The following AP2A1 variants were observed in gnomAD, a reference collection of about 807,000 sequenced individuals.
AP2A1 encodes AP-2 complex subunit alpha-1.
A neutral mutation model predicts 107.3 loss-of-function variants in AP2A1; 21 were observed. That is an observed-to-expected ratio of 0.20 (90% CI 0.14 to 0.28). The LOEUF is 0.28. Among genes scored for constraint, AP2A1 ranks in the 10% least tolerant of loss-of-function variants. The pLI, the probability that AP2A1 is intolerant of heterozygous loss-of-function variation, is 1.00. For missense variants in AP2A1, 873 were observed against 1,307.7 expected, an observed-to-expected ratio of 0.67 and a Z score of 5.13; for synonymous variants, 602 against 564.8, an observed-to-expected ratio of 1.07 and a Z score of -0.93.
At chr19:49,787,662 G>A (rs1768295241) in intron 4 of AP2A1, among the ~76,000 whole-genome samples, 1 of 151,484 alleles carries the variant, frequency 6.6e-6, no homozygotes, top group Admixed American at 6.6e-5. Flanking sequence ...TTAACCATTT[G>A]AAGGTGTTCA....
rs764272447 is a variant in AP2A1, at chr19:49,785,769, T to A, written c.473+3045T>A. 6.6e-6 allele frequency among the ~76,000 whole-genome samples: 1 copy of A among 151,752 alleles called. No homozygotes were observed. The highest frequency in any genetic ancestry group is 1.5e-5 in the Non-Finnish European group (1 of 67,936). ...CCGTCTCTACTAAAAATACAAAAATTAGTCAGGTGTGGTGGCGGGCACCTG... is the reference window on the plus strand; with the variant it reads ...CCGTCTCTACTAAAAATACAAAAATAAGTCAGGTGTGGTGGCGGGCACCTG... On this transcript the variant is annotated intron_variant, in intron 4 of 22. Coordinates refer to ENST00000354293, the MANE Select transcript of AP2A1 (RefSeq NM_130787.3). The surrounding 1 kb of genome is among the most constrained non-coding windows in gnomAD (Gnocchi z 4.1).
chr19:49,780,038 T>C (rs992695929), intron 1 of AP2A1, among the ~76,000 whole-genome samples: 1 of 152,232 alleles, frequency 6.6e-6, no homozygotes, highest in African/African-American at 2.4e-5. Flanking sequence ...TTCTCAGTCA[T>C]TGACTCATTT....
rs1444240536 is a variant in AP2A1 at position 49,772,652 on chromosome 19, C to T, written c.67+5452C>T. On this transcript the variant is annotated intron_variant, in intron 1 of 22. Transcript: ENST00000354293. The stretch of plus-strand genomic sequence containing the variant: ...CTGGGACTACAGGCGCCCGCCAACA[C>T]GCCCGGCTAATTTTTTGTATTTTTT... 3.3e-5 allele frequency among the ~76,000 whole-genome samples: 5 copies of T among 151,914 alleles called. No homozygotes were observed. The South Asian group carries it at 8.3e-4, about 25-fold the overall frequency.
Position 49,806,461 on chromosome 19 carries a change from C to T in AP2A1, c.2790+208C>T, listed in dbSNP as rs1600252528. ...TGTTCCTCTCCTCTTCCTGTCCCTC[C>T]CTGATTTCTACCTTTCCATATCCTT... On this transcript the variant is annotated intron_variant, in intron 22 of 22. Coordinates refer to ENST00000354293, the MANE Select transcript of AP2A1 (RefSeq NM_130787.3). 1.4e-5 allele frequency: 20 copies of T among 1,437,834 alleles called. No homozygotes were observed. The East Asian group carries it at 5.0e-4, about 36-fold the overall frequency. The allele number at this position is 1,437,834 out of a possible 1,614,324, so 89.1% of individuals were successfully genotyped here. A position where few individuals can be genotyped will look rare whatever the true frequency, so the allele number is the denominator to read the frequency against.
Position 49,805,869 on chromosome 19 carries a change from C to T in AP2A1, c.2586-3C>T. ...CCCTGACTTGAACCTTCCCGGTCCCCAGCCCTCAACAGGAGGCGCAGAAAA... is the reference window on the plus strand; with the variant it reads ...CCCTGACTTGAACCTTCCCGGTCCCTAGCCCTCAACAGGAGGCGCAGAAAA... On this transcript the variant is annotated splice_polypyrimidine_tract_variant and splice_region_variant and intron_variant, in intron 20 of 22. Transcript: ENST00000354293. 1.2e-6 allele frequency: 2 copies of T among 1,613,708 alleles called. No homozygotes were observed. The highest frequency in any genetic ancestry group is 1.7e-6 in the Non-Finnish European group (2 of 1,179,890).
rs751120508 is a variant in AP2A1 at position 49,801,061 on chromosome 19, G to A, written c.1553+3G>A. The A allele has an allele frequency of 6.2e-7, 1 of 1,600,550 alleles. No individual in the cohort carries two copies. The highest frequency in any genetic ancestry group is 2.2e-5 in the East Asian group (1 of 44,628). On this transcript the variant is annotated splice_donor_region_variant and intron_variant, in intron 12 of 22. Coordinates refer to ENST00000354293, the MANE Select transcript of AP2A1 (RefSeq NM_130787.3). Reference sequence around the variant, plus strand: ...ATTGCTGGGGACCCCCGCTCCAGGTGAGGGAGCCTCAGCCTGCAGGGGAGA... The same window carrying A: ...ATTGCTGGGGACCCCCGCTCCAGGTAAGGGAGCCTCAGCCTGCAGGGGAGA...
Position 49,805,872 on chromosome 19 carries a change from C to A in AP2A1, c.2586C>A (p.Leu862=), listed in dbSNP as rs574015802. 45 of 1,613,796 alleles carry A rather than the reference C, an allele frequency of 2.8e-5. 1 individual carries two copies. In the South Asian group the frequency reaches 4.8e-4, roughly 17 times the overall value. ...TGACTTGAACCTTCCCGGTCCCCAG[C>A]CCTCAACAGGAGGCGCAGAAAATCT... ...DFFQRWKQLS[L]PQQEAQKIFK... The change falls in exon 21 of 23, where the codon CTC becomes CTA. Residue 862 remains leucine, a splice_region_variant and synonymous_variant. Coordinates refer to ENST00000354293, the MANE Select transcript of AP2A1 (RefSeq NM_130787.3).
chr19:49,799,438 C>G lies in AP2A1; in HGVS notation c.1077C>G (p.Ser359=), dbSNP rs764972118. 1.9e-6 allele frequency: 3 copies of G among 1,611,616 alleles called. No homozygotes were observed. Among genetic ancestry groups the G allele is most frequent in the Non-Finnish European group, 2.5e-6 (3 of 1,179,292 alleles). ...ALESMCTLAS[S]EFSHEAVKTH... ...AGAGCATGTGCACGCTGGCCAGCTCCGAGTTCTCCCATGAAGCCGTCAAGA... is the reference window on the plus strand; with the variant it reads ...AGAGCATGTGCACGCTGGCCAGCTCGGAGTTCTCCCATGAAGCCGTCAAGA... The change falls in exon 9 of 23, where the codon TCC becomes TCG. Residue 359 remains serine, a synonymous_variant. Coordinates refer to ENST00000354293, the MANE Select transcript of AP2A1 (RefSeq NM_130787.3).
rs1480855704 is a variant in AP2A1, at chr19:49,772,257, T to TGTTTTG, written c.67+5057_67+5058insGTTTTG. Among the ~76,000 whole-genome samples, 64 of 122,228 alleles carry TGTTTTG rather than the reference T, an allele frequency of 5.2e-4. 1 individual carries two copies. The highest frequency in any genetic ancestry group is 2.5e-3 in the South Asian group (8 of 3,258). 80.2% of individuals were successfully genotyped at this position (122,228 alleles called of 152,430 possible). On this transcript the variant is annotated intron_variant, in intron 1 of 22. Transcript: ENST00000354293. ...GTATTTTTCATAGAGTTTTTTTTTT[T>TGTTTTG]TTTTTTTTTTTTTTTTTTTTGAGAT...
chr19:49,795,266 A>G (rs753261692), intron 6 of AP2A1, among the ~76,000 whole-genome samples: 22 of 152,348 alleles, frequency 1.4e-4, no homozygotes, highest in Admixed American at 2.6e-4. Flanking sequence ...TTACTTGGAA[A>G]GATCAACCAG....
chr19:49,780,410 G>T (rs936760949), intron 1 of AP2A1, among the ~76,000 whole-genome samples: 54 of 152,334 alleles, frequency 3.5e-4, no homozygotes, highest in African/African-American at 1.3e-3. Context: ...AGAGGGCACA[G>T]CTTGTGTGAA....
rs1408298212 is a variant in AP2A1, at chr19:49,805,566, G to T, written c.2458G>T (p.Val820Leu). 6.3e-7 allele frequency: 1 copy of T among 1,576,582 alleles called. No homozygotes were observed. The highest frequency in any genetic ancestry group is 1.2e-5 in the South Asian group (1 of 86,466). Residue 820 changes from valine (V) to leucine (L), a missense_variant, in exon 19 of 23, where the codon GTG (valine) becomes TTG (leucine). Val to Leu is a conservative substitution (Grantham distance 32). Around this residue, in one of 4 missense-constraint regions of AP2A1, gnomAD observed 416 missense variants for 473.4 expected, o/e 0.88. Coordinates refer to ENST00000354293, the MANE Select transcript of AP2A1 (RefSeq NM_130787.3). ...CTTCCTGACGCCCCCGCTGCTGTCC[G>T]TGCGCTTCCGGTGAGTCAGGTACGG... ...RDFLTPPLLS[V>L]RFRYGGAPQA...
In AP2A1 at chr19:49,801,782, C is replaced by T. The variant is rs868693137; in HGVS notation, c.1846C>T (p.Leu616=). ...PERESSILAK[L]KRKKGPGAGS... Reference sequence around the variant, plus strand: ...GCGCGAGTCGTCCATCCTGGCCAAGCTGAAACGCAAGAAGGGGCCAGGGGC... The same window carrying T: ...GCGCGAGTCGTCCATCCTGGCCAAGTTGAAACGCAAGAAGGGGCCAGGGGC... Residue 616 remains leucine, a synonymous_variant, in exon 14 of 23, where the codon CTG becomes TTG. Coordinates refer to ENST00000354293, the MANE Select transcript of AP2A1 (RefSeq NM_130787.3). 2.5e-6 allele frequency: 4 copies of T among 1,569,358 alleles called. No homozygotes were observed. The highest frequency in any genetic ancestry group is 1.2e-5 in the South Asian group (1 of 85,166).
intron 4 of AP2A1, among the ~76,000 whole-genome samples, chr19:49,789,642 C>T (rs2056200021): frequency 6.7e-6 from 1 of 148,648 alleles, no homozygotes. Flanking sequence ...TTGGCCTGGC[C>T]AGGCCGGTCT....
At chr19:49,792,583 C>G (rs2073159951) in intron 5 of AP2A1, among the ~76,000 whole-genome samples, 1 of 152,020 alleles carries the variant, frequency 6.6e-6, no homozygotes, top group African/African-American at 2.4e-5. Flanking sequence ...TCCAGTGACC[C>G]CCACACCCCT....
At position 49,785,297 on chromosome 19, in the gene AP2A1, G is replaced by A. The variant is rs377003743; in HGVS notation, c.473+2573G>A. 6.6e-6 allele frequency among the ~76,000 whole-genome samples: 1 copy of A among 152,182 alleles called. No homozygotes were observed. Among genetic ancestry groups the A allele is most frequent in the Non-Finnish European group, 1.5e-5 (1 of 68,028 alleles). On this transcript the variant is annotated intron_variant, in intron 4 of 22. Coordinates refer to ENST00000354293, the MANE Select transcript of AP2A1 (RefSeq NM_130787.3). The surrounding 1 kb of genome is among the most constrained non-coding windows in gnomAD (Gnocchi z 4.1). The stretch of plus-strand genomic sequence containing the variant: ...TCACCAGGTCCAGGTCAGAGCTCGC[G>A]GTGGCTTGGACCAGGGCTGTGGCGG...
At chr19:49,801,177 C>T (rs1313983872) in intron 12 of AP2A1, 119 bp downstream of exon 12, 2 of 1,072,762 alleles carry the variant, frequency 1.9e-6, no homozygotes, top group Admixed American at 5.3e-5. Flanking sequence ...CGGCCTCCAC[C>T]CCAATCCACC....
chr19:49,802,907 C>T, intron 15 of AP2A1, 42 bp from the exon 16 acceptor site: 2 of 1,597,682 alleles, frequency 1.3e-6, no homozygotes, highest in East Asian at 2.3e-5. Context: ...TTGCCCCTCC[C>T]CACCAAGTTC....
intron 15 of AP2A1, 66 bp from the exon 16 acceptor site, chr19:49,802,883 A>G (rs2073308319): frequency 3.9e-6 from 6 of 1,541,518 alleles, no homozygotes; most frequent in Admixed American, 1.9e-5. Context: ...CTCGCACTCA[A>G]TCGCTCTGGG....
Sources: allele counts gnomAD v4.1 joint callset (sites outside exome capture counted in the v4.1 genomes callset), GRCh38; gene constraint gnomAD v4.1.1; regional missense constraint gnomAD v4.1.1; non-coding constraint Gnocchi (gnomAD v3.1); transcripts MANE v1.5; gene names NCBI Gene and HGNC (gene_info 2026-07-23, HGNC 2026-07-21).